The following UIMC1 variants were observed in gnomAD, a reference collection of about 807,000 sequenced individuals.
UIMC1 encodes BRCA1-A complex subunit RAP80.
A neutral mutation model predicts 84.9 loss-of-function variants in UIMC1; 42 were observed. That is an observed-to-expected ratio of 0.49 (90% CI 0.39 to 0.64). The LOEUF is 0.64. Among genes scored for constraint, UIMC1 ranks in the 30% least tolerant of loss-of-function variants. The probability of loss-of-function intolerance (pLI) is 0.00; values close to 1 mark genes in which losing one functional copy is unlikely to be tolerated. For synonymous variants in UIMC1, 281 were observed against 293.0 expected, an observed-to-expected ratio of 0.96 and a Z score of 0.42; for missense variants, 825 against 847.6, an observed-to-expected ratio of 0.97 and a Z score of 0.33.
At chr5:176,954,024 A>G (rs756671160) in intron 8 of UIMC1, among the ~76,000 whole-genome samples, 11 of 152,212 alleles carry the variant, frequency 7.2e-5, no homozygotes, top group Non-Finnish European at 1.5e-4. Context: ...AAGGAACATT[A>G]ATGTAATGAA....
intron 10 of UIMC1, among the ~76,000 whole-genome samples, chr5:176,915,526 G>T (rs1391694983): frequency 1.7e-4 from 26 of 151,200 alleles, no homozygotes; most frequent in Admixed American, 1.6e-3. Context: ...TGTGGTATCG[G>T]CTCACAGCAA....
chr5:176,970,957 G>A, intron 3 of UIMC1, 91 bp from the exon 4 acceptor site: 1 of 1,484,024 alleles, frequency 6.7e-7, no homozygotes, highest in Non-Finnish European at 9.0e-7. Context: ...CTTTTCAACT[G>A]AAGACACTAC....
intron 10 of UIMC1, among the ~76,000 whole-genome samples, chr5:176,942,692 G>C (rs1392231367): frequency 6.8e-6 from 1 of 147,204 alleles, no homozygotes; most frequent in Non-Finnish European, 1.5e-5. Context: ...CTTTCAGTGA[G>C]CCAAGATCGC....
At chr5:176,987,029 G>A (rs961118824) in intron 1 of UIMC1, among the ~76,000 whole-genome samples, 8 of 152,114 alleles carry the variant, frequency 5.3e-5, no homozygotes, top group Admixed American at 5.2e-4. Flanking sequence ...AGACTAGCCT[G>A]GCCAATATGG....
intron 3 of UIMC1, among the ~76,000 whole-genome samples, chr5:176,972,456 C>G (rs1769390580): frequency 6.6e-6 from 1 of 151,798 alleles, no homozygotes; most frequent in South Asian, 2.1e-4. Flanking sequence ...TAAACCTCGG[C>G]CAGGAGCGGT....
chr5:176,990,313 C>T (rs2149520295), intron 1 of UIMC1, among the ~76,000 whole-genome samples: 1 of 152,158 alleles, frequency 6.6e-6, no homozygotes. Flanking sequence ...ACCCTTCTGC[C>T]ATGTGAAGAC....
At chr5:176,934,132 T>C (rs760563614) in intron 10 of UIMC1, among the ~76,000 whole-genome samples, 1 of 152,118 alleles carries the variant, frequency 6.6e-6, no homozygotes, top group Non-Finnish European at 1.5e-5. Context: ...AGGCCCCTCC[T>C]CCCTACCCTC....
intron 9 of UIMC1, among the ~76,000 whole-genome samples, chr5:176,944,755 A>G (rs912827048): frequency 2.6e-5 from 4 of 152,250 alleles, no homozygotes; most frequent in African/African-American, 9.6e-5. Context: ...AAAACAGGCC[A>G]TCTAAATACC....
At chr5:176,915,316 T>C (rs894432131) in intron 10 of UIMC1, among the ~76,000 whole-genome samples, 5 of 151,958 alleles carry the variant, frequency 3.3e-5, no homozygotes, top group African/African-American at 1.2e-4. Flanking sequence ...ACTTGCTGAA[T>C]TAAACTGTAT....
At chr5:176,999,622 T>C (rs980897243) in intron 1 of UIMC1, among the ~76,000 whole-genome samples, 2 of 152,050 alleles carry the variant, frequency 1.3e-5, no homozygotes, top group Non-Finnish European at 2.9e-5. Flanking sequence ...TTTTGATTTT[T>C]AGATCCCACA....
intron 1 of UIMC1, among the ~76,000 whole-genome samples, chr5:177,018,167 A>C (rs1581742383): frequency 6.6e-6 from 1 of 152,130 alleles, no homozygotes; most frequent in East Asian, 2.0e-4. Flanking sequence ...CCTGGCCAAC[A>C]TGGTAAAATC....
At chr5:176,937,324 T>C (rs938730450) in intron 10 of UIMC1, among the ~76,000 whole-genome samples, 1 of 152,080 alleles carries the variant, frequency 6.6e-6, no homozygotes, top group African/African-American at 2.4e-5. Context: ...TGAAACCCCA[T>C]CTCTGCTAAA....
chr5:177,003,006 G>A (rs1045007800), intron 1 of UIMC1, among the ~76,000 whole-genome samples: 2 of 151,846 alleles, frequency 1.3e-5, no homozygotes, highest in Admixed American at 6.6e-5. Context: ...GCTTGATACA[G>A]GATACGCACC....
intron 10 of UIMC1, among the ~76,000 whole-genome samples, chr5:176,924,425 A>G (rs2149411586): frequency 6.6e-6 from 1 of 152,314 alleles, no homozygotes; most frequent in Middle Eastern, 3.4e-3. Context: ...TGAAGCTACT[A>G]TAATCAAGAC....
rs376544272 is a variant in UIMC1 at position 176,909,959 on chromosome 5, G to A, written c.1677-1265C>T. 2.6e-5 allele frequency among the ~76,000 whole-genome samples: 4 copies of A among 152,142 alleles called. No individual in the cohort carries two copies. The East Asian group carries it at 7.7e-4, about 29-fold the overall frequency. ...ATAACTACCTTAAATCAACTACAGTGAGACTTACAAACAAGGCACCTAGCA... is the reference window on the plus strand; with the variant it reads ...ATAACTACCTTAAATCAACTACAGTAAGACTTACAAACAAGGCACCTAGCA... On this transcript the variant is annotated intron_variant, in intron 11 of 14. Coordinates refer to ENST00000511320, the MANE Select transcript of UIMC1 (RefSeq NM_001199298.2).
chr5:177,005,044 G>A (rs1775065476), intron 1 of UIMC1, among the ~76,000 whole-genome samples: 1 of 151,702 alleles, frequency 6.6e-6, no homozygotes. Flanking sequence ...ACAGGCACGC[G>A]CCACCACGCC....
intron 6 of UIMC1, among the ~76,000 whole-genome samples, chr5:176,966,608 GC>G (rs1447350858): frequency 1.3e-5 from 2 of 152,054 alleles, no homozygotes; most frequent in Non-Finnish European, 2.9e-5. Flanking sequence ...TTATATTATT[GC>G]TTTATAATAT....
Position 176,982,582 on chromosome 5 carries a change from A to T in UIMC1, c.34T>A (p.Ser12Thr). The change falls in exon 2 of 15, where the codon TCC (serine) becomes ACC (threonine). Residue 12 changes from serine (S) to threonine (T), a missense_variant. Transcript: ENST00000511320. Reference sequence around the variant, plus strand: ...TTCTTCTCCAGGTTCCGAGATTCGGAGACTTCTTTAACTTTTTTCTTTCTC... The same window carrying T: ...TTCTTCTCCAGGTTCCGAGATTCGGTGACTTCTTTAACTTTTTTCTTTCTC... ...PRRKKKVKEV[S>T]ESRNLEKKDV... The T allele has an allele frequency of 6.2e-7, 1 of 1,614,026 alleles. No homozygotes were observed. Among genetic ancestry groups the T allele is most frequent in the Non-Finnish European group, 8.5e-7 (1 of 1,180,000 alleles).
At chr5:177,005,275 T>C (rs1286749940) in intron 1 of UIMC1, among the ~76,000 whole-genome samples, 1 of 152,022 alleles carries the variant, frequency 6.6e-6, no homozygotes, top group African/African-American at 2.4e-5. Flanking sequence ...GGGTCTCCTA[T>C]GTTGCCCAGG....
Sources: allele counts gnomAD v4.1 joint callset (sites outside exome capture counted in the v4.1 genomes callset), GRCh38; gene constraint gnomAD v4.1.1; transcripts MANE v1.5; gene names NCBI Gene and HGNC (gene_info 2026-07-23, HGNC 2026-07-21).